The following RABGAP1 variants were observed in gnomAD, a reference collection of about 807,000 sequenced individuals.
RABGAP1 encodes the protein RAB GTPase activating protein 1.
RABGAP1 carries 23 observed loss-of-function variants against 137.6 expected under a neutral mutation model. That is an observed-to-expected ratio of 0.17 (90% CI 0.12 to 0.24). The LOEUF is 0.24. Among genes scored for constraint, RABGAP1 ranks in the 10% least tolerant of loss-of-function variants. The pLI, the probability that RABGAP1 is intolerant of heterozygous loss-of-function variation, is 1.00. For missense variants in RABGAP1, 906 were observed against 1,275.8 expected (o/e 0.71, Z 4.42); for synonymous variants, 451 against 450.7 (o/e 1.00, Z -0.01).
intron 23 of RABGAP1, 138 bp downstream of exon 23, chr9:123,098,936 A>G (rs1029991875): frequency 7.1e-6 from 4 of 561,978 alleles, no homozygotes; most frequent in Non-Finnish European, 1.3e-5. Flanking sequence ...TGCACTGACA[A>G]GTGGCTTCAC....
chr9:123,007,089 A>ATT (rs34068356), intron 10 of RABGAP1, among the ~76,000 whole-genome samples: 1 of 151,448 alleles, frequency 6.6e-6, no homozygotes, highest in East Asian at 1.9e-4. Flanking sequence ...TTGTGGGTTT[A>ATT]TTTTTTATTT....
chr9:123,073,765 T>TA (rs1179832118), intron 16 of RABGAP1, 88 bp downstream of exon 16: 1 of 1,545,672 alleles, frequency 6.5e-7, no homozygotes, highest in African/African-American at 1.4e-5. Context: ...GGAGCATTGG[T>TA]AATTGCCTTA....
chr9:123,080,925 A>G (rs2034686768), intron 19 of RABGAP1, among the ~76,000 whole-genome samples: 1 of 152,128 alleles, frequency 6.6e-6, no homozygotes, highest in South Asian at 2.1e-4. Context: ...GATTTTTTTC[A>G]ATAAAAGTTA....
At chr9:122,996,341 T>A (rs1837021650) in intron 7 of RABGAP1, 190 bp downstream of exon 7, 2 of 1,191,526 alleles carry the variant, frequency 1.7e-6, no homozygotes, top group East Asian at 5.2e-5. Flanking sequence ...ATACGCTCTC[T>A]TCAACTATGT....
chr9:122,942,530 C>T (rs1162588721), intron 1 of RABGAP1, among the ~76,000 whole-genome samples: 2 of 151,760 alleles, frequency 1.3e-5, no homozygotes, highest in Admixed American at 6.6e-5. Flanking sequence ...ATTAGACGGG[C>T]GTAGTGGCAG....
chr9:122,997,989 A>G (rs10122951), intron 9 of RABGAP1, among the ~76,000 whole-genome samples: 16,596 of 152,230 alleles, frequency 0.11, 2,928 homozygotes, highest in African/African-American at 0.37. Flanking sequence ...CAAATTTAAA[A>G]ATTGAGAAGT....
Position 122,997,374 on chromosome 9 carries a change from G to C in RABGAP1, c.1204+13G>C. Reference sequence around the variant, plus strand: ...GAAACTCCTAAAGGTGATACAGATTGTTGACATCATGAACAGAAATTTTAG... The same window carrying C: ...GAAACTCCTAAAGGTGATACAGATTCTTGACATCATGAACAGAAATTTTAG... On this transcript the variant is annotated intron_variant, in intron 9 of 25. Coordinates refer to ENST00000373647, the MANE Select transcript of RABGAP1 (RefSeq NM_012197.4). 1 of 1,558,022 alleles carries C rather than the reference G, an allele frequency of 6.4e-7. No individual in the cohort carries two copies. Among genetic ancestry groups the C allele is most frequent in the Non-Finnish European group, 8.7e-7 (1 of 1,145,546 alleles).
chr9:122,988,872 G>C (rs1836508341), intron 4 of RABGAP1, among the ~76,000 whole-genome samples: 1 of 151,762 alleles, frequency 6.6e-6, no homozygotes, highest in Non-Finnish European at 1.5e-5. Flanking sequence ...GAACCCAGGA[G>C]GCGGAGGTTG....
Position 123,070,938 on chromosome 9 carries a change from A to G in RABGAP1, c.1983+514A>G, listed in dbSNP as rs1043213878. On this transcript the variant is annotated intron_variant, in intron 15 of 25. Transcript: ENST00000373647. This position sits in a 1 kb window ranked among gnomAD's most constrained non-coding sequence, Gnocchi z 4.4. ...TAGTTTACCAATTAATATTTTCCAC[A>G]CTGCTTTTTCTGTTTGTCTCCCTCT... Among the ~76,000 whole-genome samples the G allele has an allele frequency of 2.0e-5, 3 of 152,016 alleles. No individual in the cohort carries two copies. Among genetic ancestry groups the G allele is most frequent in the Non-Finnish European group, 4.4e-5 (3 of 67,982 alleles).
At chr9:123,064,134 A>G (rs781260457) in intron 13 of RABGAP1, among the ~76,000 whole-genome samples, 4 of 151,996 alleles carry the variant, frequency 2.6e-5, no homozygotes, top group African/African-American at 9.7e-5. Context: ...TTTTGAAGAT[A>G]CCTCCAACGC....
intron 11 of RABGAP1, among the ~76,000 whole-genome samples, chr9:123,014,273 C>CT (rs2031049423): frequency 6.6e-6 from 1 of 152,172 alleles, no homozygotes; most frequent in Admixed American, 6.5e-5. Flanking sequence ...CTTATAATCT[C>CT]TAACTTCTGA....
rs577750853 is a variant in RABGAP1, at chr9:123,008,494, G to A, written c.1375-1860G>A. ...CAGGAAGCAGAGGTTGCAGTGAGCC[G>A]AGATCATGCCATTGCACTCCAGCCC... On this transcript the variant is annotated intron_variant, in intron 10 of 25. Coordinates refer to ENST00000373647, the MANE Select transcript of RABGAP1 (RefSeq NM_012197.4). Among the ~76,000 whole-genome samples, 288 of 147,230 alleles carry A rather than the reference G, an allele frequency of 2.0e-3. 2 individuals carry two copies. The highest frequency in any genetic ancestry group is 3.2e-3 in the Non-Finnish European group (215 of 67,468).
chr9:122,975,541 A>T (rs560630793), intron 2 of RABGAP1, among the ~76,000 whole-genome samples: 1 of 152,306 alleles, frequency 6.6e-6, no homozygotes, highest in Non-Finnish European at 1.5e-5. Flanking sequence ...GCTTTTGTAC[A>T]TGAATAGTAG....
At chr9:123,022,215 G>T (rs1170524495) in intron 13 of RABGAP1, among the ~76,000 whole-genome samples, 1 of 152,120 alleles carries the variant, frequency 6.6e-6, no homozygotes, top group Non-Finnish European at 1.5e-5. Flanking sequence ...CTATTCATAA[G>T]ACATGAAGTG....
chr9:122,941,366 C>T (rs1833555071), intron 1 of RABGAP1, among the ~76,000 whole-genome samples: 1 of 152,224 alleles, frequency 6.6e-6, no homozygotes, highest in Non-Finnish European at 1.5e-5. Flanking sequence ...GTGTGGGTGC[C>T]GGTCTTCTGA....
intron 19 of RABGAP1, among the ~76,000 whole-genome samples, chr9:123,077,656 ATTG>A (rs2034560643): frequency 6.7e-6 from 1 of 149,908 alleles, no homozygotes; most frequent in Non-Finnish European, 1.5e-5. Flanking sequence ...ATTGTATTGT[ATTG>A]TATTGTATTG....
chr9:123,093,659 G>A (rs1241627247), intron 21 of RABGAP1, among the ~76,000 whole-genome samples: 3 of 152,190 alleles, frequency 2.0e-5, no homozygotes, highest in East Asian at 1.9e-4. Context: ...TGTCTGCTCC[G>A]TCTGTTTCTG....
chr9:123,100,132 T>C (rs910413772), intron 24 of RABGAP1, among the ~76,000 whole-genome samples: 2 of 152,154 alleles, frequency 1.3e-5, no homozygotes, highest in Non-Finnish European at 2.9e-5. Flanking sequence ...GAACTTTAAT[T>C]GTTTAATGTT....
At chr9:122,976,020 A>T (rs1200918950) in intron 2 of RABGAP1, among the ~76,000 whole-genome samples, 3 of 152,178 alleles carry the variant, frequency 2.0e-5, no homozygotes, top group African/African-American at 7.2e-5. Context: ...CATTCAGATA[A>T]TCTGTGCTGT....
Sources: allele counts gnomAD v4.1 joint callset (sites outside exome capture counted in the v4.1 genomes callset), GRCh38; gene constraint gnomAD v4.1.1; non-coding constraint Gnocchi (gnomAD v3.1); transcripts MANE v1.5; gene names NCBI Gene and HGNC (gene_info 2026-07-23, HGNC 2026-07-21).